The following EGFR variants were observed in gnomAD, a reference collection of about 807,000 sequenced individuals.
EGFR encodes the protein avian erythroblastic leukemia viral (v-erb-b) oncogene homolog.
In EGFR, 58 loss-of-function variants were observed where a neutral mutation model predicts 143.0. That is an observed-to-expected ratio of 0.41 (90% CI 0.33 to 0.50). The LOEUF (loss-of-function observed/expected upper bound fraction) is 0.50, where lower values mean the gene tolerates loss of function less well. EGFR is among the 20% of genes least tolerant of loss of function. EGFR has a pLI of 0.39. For missense variants in EGFR, 1,307 were observed against 1,579.0 expected, an observed-to-expected ratio of 0.83 and a Z score of 2.92; for synonymous variants, 613 against 594.4, an observed-to-expected ratio of 1.03 and a Z score of -0.45.
chr7:55,196,494 C>A (rs1247990934), intron 22 of EGFR, among the ~76,000 whole-genome samples: 2 of 152,078 alleles, frequency 1.3e-5, no homozygotes, highest in Non-Finnish European at 2.9e-5. Context: ...ATGATAGTTT[C>A]TTTTGCTGTG....
At chr7:55,161,409 A>T in intron 12 of EGFR, 90 bp from the exon 13 acceptor site, 1 of 1,512,362 alleles carries the variant, frequency 6.6e-7, no homozygotes, top group Non-Finnish European at 8.8e-7. Flanking sequence ...GTCATGGAGC[A>T]CAGGGCCCCT....
At chr7:55,123,153 C>T (rs1793312488) in intron 1 of EGFR, among the ~76,000 whole-genome samples, 1 of 152,082 alleles carries the variant, frequency 6.6e-6, no homozygotes, top group South Asian at 2.1e-4. Context: ...ACCTAATTAC[C>T]TTTATTTTAT....
intron 1 of EGFR, among the ~76,000 whole-genome samples, chr7:55,043,496 G>C (rs1304060693): frequency 1.3e-5 from 2 of 152,086 alleles, no homozygotes; most frequent in Non-Finnish European, 2.9e-5. Flanking sequence ...GTAGTAGCTG[G>C]GATTACAGGT....
In EGFR at chr7:55,112,031, G is replaced by A. The variant is rs1026331687; in HGVS notation, c.89-30255G>A. Among the ~76,000 whole-genome samples, 7 of 152,070 alleles carry A rather than the reference G, an allele frequency of 4.6e-5. No homozygotes were observed. The South Asian group carries it at 6.2e-4, about 14-fold the overall frequency. On this transcript the variant is annotated intron_variant, in intron 1 of 27. Transcript: ENST00000275493. ...CAGAGCTGGGACTGGAACTCCTGGC[G>A]TGACTGAGGCAGACACCTGGGCTAC...
intron 1 of EGFR, among the ~76,000 whole-genome samples, chr7:55,056,100 A>T (rs1788801266): frequency 6.6e-6 from 1 of 152,198 alleles, no homozygotes; most frequent in South Asian, 2.1e-4. Context: ...CTCCCAGCAG[A>T]TGCTCCTCAA....
At chr7:55,150,885 A>G (rs1160361527) in intron 4 of EGFR, among the ~76,000 whole-genome samples, 2 of 152,230 alleles carry the variant, frequency 1.3e-5, no homozygotes, top group Admixed American at 6.5e-5. Context: ...TGACACATGC[A>G]GTCACTCAAG....
Position 55,160,254 on chromosome 7 carries a change from G to A in EGFR, c.1414G>A (p.Ala472Thr), listed in dbSNP as rs2128941571. The A allele has an allele frequency of 6.2e-7, 1 of 1,614,104 alleles. No individual in the cohort carries two copies. The highest frequency in any genetic ancestry group is 8.5e-7 in the Non-Finnish European group (1 of 1,180,014). Residue 472 changes from alanine to threonine, a missense_variant, in exon 12 of 28, where the codon GCA (alanine) becomes ACA (threonine). By Grantham distance (58) the Ala-to-Thr change is moderately conservative. This residue lies in a region of EGFR where 250 missense variants were observed against 295.1 expected (regional missense o/e 0.85). Transcript: ENST00000275493. ...IISGNKNLCY[A>T]NTINWKKLFG... ...TTCAGGAAACAAAAATTTGTGCTAT[G>A]CAAATACAATAAACTGGAAAAAACT... is the stretch of plus-strand genomic sequence containing the variant.
At position 55,146,454 on chromosome 7, in the gene EGFR, G is replaced by GC. The variant is rs1214295726; in HGVS notation, c.425-146dup. The GC allele has an allele frequency of 2.0e-5, 24 of 1,211,164 alleles. No individual in the cohort carries two copies. In the East Asian group the frequency reaches 4.1e-4, roughly 21 times the overall value. 75.0% of individuals were successfully genotyped at this position (1,211,164 alleles called of 1,614,324 possible). A position where few individuals can be genotyped will look rare whatever the true frequency, so the allele number is the denominator to read the frequency against. ...CCATCATTAACAATTTTATCTGGCC[G>GC]CCCCCCGGGAAGTTCACTGGGCTAA... On this transcript the variant is annotated intron_variant, in intron 3 of 27. Transcript: ENST00000275493.
chr7:55,143,410 T>A lies in EGFR; in HGVS notation c.346T>A (p.Ser116Thr), dbSNP rs2128927396. 6.2e-7 allele frequency: 1 copy of A among 1,614,200 alleles called. No homozygotes were observed. Among genetic ancestry groups the A allele is most frequent in the Non-Finnish European group, 8.5e-7 (1 of 1,180,032 alleles). ...IIRGNMYYENSYALAVLSNYD... is the reference protein window; with the variant it reads ...IIRGNMYYENTYALAVLSNYD... Reference sequence around the variant, plus strand: ...CAGAGGAAATATGTACTACGAAAATTCCTATGCCTTAGCAGTCTTATCTAA... The same window carrying A: ...CAGAGGAAATATGTACTACGAAAATACCTATGCCTTAGCAGTCTTATCTAA... The change falls in exon 3 of 28, where the codon TCC becomes ACC. Residue 116 changes from serine to threonine, a missense_variant. Physicochemically the swap from Ser to Thr is moderately conservative, Grantham distance 58. Transcript: ENST00000275493.
chr7:55,148,416 T>C (rs1794879142), intron 4 of EGFR, among the ~76,000 whole-genome samples: 1 of 152,110 alleles, frequency 6.6e-6, no homozygotes, highest in South Asian at 2.1e-4. Flanking sequence ...AGGGGAATGA[T>C]GGGTAGGTTC....
rs17336639 is a variant in EGFR, at chr7:55,154,060, C to A, written c.797C>A (p.Pro266Gln). The change falls in exon 7 of 28, where the codon CCA (proline) becomes CAA (glutamine). Residue 266 changes from proline to glutamine, a missense_variant. Around this residue, in one of 7 missense-constraint regions of EGFR, gnomAD observed 311 missense variants for 412.3 expected, o/e 0.75. Coordinates refer to ENST00000275493, the MANE Select transcript of EGFR (RefSeq NM_005228.5). ...GCCACGTGCAAGGACACCTGCCCCC[C>A]ACTCATGCTCTACAACCCCACCACG... is the stretch of plus-strand genomic sequence containing the variant. ...DEATCKDTCP[P>Q]LMLYNPTTYQ... The A allele has an allele frequency of 1.3e-5, 21 of 1,614,116 alleles. No homozygotes were observed. The highest frequency in any genetic ancestry group is 8.8e-5 in the South Asian group (8 of 91,088).
intron 1 of EGFR, among the ~76,000 whole-genome samples, chr7:55,114,710 A>G (rs2128909721): frequency 6.6e-6 from 1 of 152,172 alleles, no homozygotes; most frequent in South Asian, 2.1e-4. Context: ...TTCCTATAGT[A>G]TCCATGTCCA....
chr7:55,152,328 C>T (rs770935916), intron 5 of EGFR: 4 of 743,926 alleles, frequency 5.4e-6, no homozygotes, highest in South Asian at 1.4e-5. Flanking sequence ...AAAGTCTAGA[C>T]TTGATCTCAT....
intron 1 of EGFR, among the ~76,000 whole-genome samples, chr7:55,114,329 C>G (rs1792699384): frequency 6.6e-6 from 1 of 152,054 alleles, no homozygotes; most frequent in Admixed American, 6.5e-5. Flanking sequence ...TCACTTGAGG[C>G]TTAAAAATTA....
intron 1 of EGFR, among the ~76,000 whole-genome samples, chr7:55,098,761 C>T (rs544185055): frequency 3.3e-5 from 5 of 152,360 alleles, no homozygotes; most frequent in Non-Finnish European, 5.9e-5. Flanking sequence ...TGGCCCTCCA[C>T]ACTGCCAGCC....
intron 15 of EGFR, chr7:55,170,670 A>ACC (rs930322772): frequency 3.8e-6 from 6 of 1,590,730 alleles, no homozygotes; most frequent in Admixed American, 1.7e-5. Context: ...AGTGCCTCTC[A>ACC]CCCCAACTAG....
At position 55,163,716 on chromosome 7, in the gene EGFR, C is replaced by T. The variant is rs2128944546; in HGVS notation, c.1632-17C>T. The T allele has an allele frequency of 6.2e-7, 1 of 1,612,788 alleles. No individual in the cohort carries two copies. The highest frequency in any genetic ancestry group is 8.5e-7 in the Non-Finnish European group (1 of 1,178,776). On this transcript the variant is annotated splice_polypyrimidine_tract_variant and intron_variant, in intron 13 of 27. Transcript: ENST00000275493. The stretch of plus-strand genomic sequence containing the variant: ...GTCTCAGGGGTGGGCTGACGGGTTT[C>T]CTCTTCCTCCTCTCAGTGAGCCAAG...
intron 1 of EGFR, among the ~76,000 whole-genome samples, chr7:55,074,237 C>T (rs1016696508): frequency 2.6e-5 from 4 of 152,218 alleles, no homozygotes; most frequent in South Asian, 4.1e-4. Context: ...TTCAGGATCT[C>T]GGGTTCGACC....
At chr7:55,112,177 C>T (rs1243675530) in intron 1 of EGFR, among the ~76,000 whole-genome samples, 2 of 152,250 alleles carry the variant, frequency 1.3e-5, no homozygotes, top group African/African-American at 4.8e-5. Flanking sequence ...AGCAGTTCTG[C>T]AGTCGGCGTC....
Sources: allele counts gnomAD v4.1 joint callset (sites outside exome capture counted in the v4.1 genomes callset), GRCh38; gene constraint gnomAD v4.1.1; regional missense constraint gnomAD v4.1.1; transcripts MANE v1.5; gene names NCBI Gene and HGNC (gene_info 2026-07-23, HGNC 2026-07-21).